ANTXR1: variants seen among roughly 807,000 people sequenced by gnomAD.
ANTXR1 encodes the protein anthrax toxin receptor 1.
ANTXR1 carries 19 observed loss-of-function variants against 78.1 expected under a neutral mutation model. The ratio of observed to expected loss-of-function variants is 0.24; its 90% CI spans 0.17 to 0.36. The LOEUF (loss-of-function observed/expected upper bound fraction) is 0.36. ANTXR1 is among the 10% of genes least tolerant of loss of function. ANTXR1 has a pLI of 1.00. For synonymous variants in ANTXR1, 273 were observed against 260.5 expected (o/e 1.05, Z -0.46); for missense variants, 518 against 718.6 (o/e 0.72, Z 3.19).
chr2:69,102,892 G>A lies in ANTXR1; in HGVS notation c.754G>A (p.Val252Met), dbSNP rs1293141151. ...AAACGGCTTCCGACATGCCCGCAAC[G>A]TGGACAGGGTCCTCTGCAGCTTCAA... ...RGNGFRHARNVDRVLCSFKIN... is the reference protein window; with the variant it reads ...RGNGFRHARNMDRVLCSFKIN... The change falls in exon 10 of 18, where the codon GTG becomes ATG. Residue 252 changes from valine (V) to methionine (M), a missense_variant. Around this residue, in one of 5 missense-constraint regions of ANTXR1, gnomAD observed 264 missense variants for 391.8 expected, o/e 0.67. Transcript: ENST00000303714. 18 of 1,614,016 alleles carry A rather than the reference G, an allele frequency of 1.1e-5. No homozygotes were observed. Among genetic ancestry groups the A allele is most frequent in the East Asian group, 8.9e-5 (4 of 44,888 alleles).
intron 10 of ANTXR1, among the ~76,000 whole-genome samples, chr2:69,115,779 G>A (rs936598367): frequency 6.6e-6 from 1 of 152,230 alleles, no homozygotes; most frequent in South Asian, 2.1e-4. Flanking sequence ...ACTAGCCAGG[G>A]AGGGCTTCCA....
chr2:69,067,833 G>T (rs1670446548), intron 3 of ANTXR1, among the ~76,000 whole-genome samples: 1 of 152,234 alleles, frequency 6.6e-6, no homozygotes, highest in African/African-American at 2.4e-5. Context: ...CATGGCCTTG[G>T]TGGGGGACAC....
At chr2:69,045,125 G>T (rs1005300902) in intron 3 of ANTXR1, among the ~76,000 whole-genome samples, 8 of 152,062 alleles carry the variant, frequency 5.3e-5, no homozygotes, top group African/African-American at 1.9e-4. Flanking sequence ...CATATTATTG[G>T]GGGACTATAT....
At chr2:69,093,419 T>C in intron 9 of ANTXR1, among the ~76,000 whole-genome samples, 1 of 152,216 alleles carries the variant, frequency 6.6e-6, no homozygotes, top group Admixed American at 6.5e-5. Flanking sequence ...TAAGTAATTT[T>C]AACCTCAAAA....
intron 17 of ANTXR1, among the ~76,000 whole-genome samples, chr2:69,241,452 G>A (rs981255620): frequency 3.3e-5 from 5 of 152,034 alleles, no homozygotes; most frequent in African/African-American, 1.2e-4. Context: ...ATTACCCCAG[G>A]GATTTATTGA....
chr2:69,075,041 C>T (rs1329079581), intron 6 of ANTXR1, among the ~76,000 whole-genome samples: 1 of 121,482 alleles, frequency 8.2e-6, no homozygotes, highest in East Asian at 2.4e-4. Flanking sequence ...CATTAAACCA[C>T]TTTATTCTGT....
At chr2:69,176,555 G>C (rs1674123220) in intron 14 of ANTXR1, among the ~76,000 whole-genome samples, 1 of 152,076 alleles carries the variant, frequency 6.6e-6, no homozygotes, top group Admixed American at 6.5e-5. Context: ...AATTCATGTC[G>C]TCATTCTCAC....
chr2:69,073,004 C>G lies in ANTXR1; in HGVS notation c.413-18C>G, dbSNP rs1670616194. 6.2e-7 allele frequency: 1 copy of G among 1,613,062 alleles called. No individual in the cohort carries two copies. The highest frequency in any genetic ancestry group is 8.5e-7 in the Non-Finnish European group (1 of 1,179,144). On this transcript the variant is annotated intron_variant, in intron 5 of 17. Transcript: ENST00000303714. ...GTGGAGCAGGGTGGACTGAGCCAGT[C>G]TGTATTGTGTTAAACAGGGTACAGG... is the stretch of plus-strand genomic sequence containing the variant.
At chr2:69,226,158 C>T (rs1347443471) in intron 17 of ANTXR1, among the ~76,000 whole-genome samples, 3 of 152,186 alleles carry the variant, frequency 2.0e-5, no homozygotes, top group Non-Finnish European at 4.4e-5. Context: ...GGCCAAACCA[C>T]GAGCACCCCC....
At position 69,203,921 on chromosome 2, in the gene ANTXR1, G is replaced by C. The variant is rs567701646; in HGVS notation, c.1434+10506G>C. Among the ~76,000 whole-genome samples the C allele has an allele frequency of 1.4e-4, 22 of 152,320 alleles. No homozygotes were observed. The East Asian group carries it at 3.1e-3, about 21-fold the overall frequency. On this transcript the variant is annotated intron_variant, in intron 17 of 17. Coordinates refer to ENST00000303714, the MANE Select transcript of ANTXR1 (RefSeq NM_032208.3). The stretch of plus-strand genomic sequence containing the variant: ...AGAAGTAAATGCTAAGGCTGAACCA[G>C]ACAGGGATGGGAATAAAGCAACCCT...
intron 10 of ANTXR1, among the ~76,000 whole-genome samples, chr2:69,112,824 CAG>C (rs1406415694): frequency 2.0e-5 from 3 of 152,198 alleles, no homozygotes; most frequent in African/African-American, 7.2e-5. Flanking sequence ...GTGGCTCCTG[CAG>C]AGACTGTGTT....
intron 17 of ANTXR1, among the ~76,000 whole-genome samples, chr2:69,237,106 TA>T (rs1223004515): frequency 6.6e-6 from 1 of 152,204 alleles, no homozygotes; most frequent in East Asian, 1.9e-4. Flanking sequence ...CATGTCCCAC[TA>T]AAGAGATGCC....
At chr2:69,066,759 G>A (rs1335463411) in intron 3 of ANTXR1, among the ~76,000 whole-genome samples, 1 of 152,176 alleles carries the variant, frequency 6.6e-6, no homozygotes, top group Non-Finnish European at 1.5e-5. Context: ...CCTGCTTGAG[G>A]TCAATCATTA....
Position 69,040,379 on chromosome 2 carries a change from C to G in ANTXR1, c.224+264C>G, listed in dbSNP as rs1669578055. 2.6e-5 allele frequency among the ~76,000 whole-genome samples: 4 copies of G among 152,172 alleles called. No homozygotes were observed. In the South Asian group the frequency reaches 8.3e-4, roughly 32 times the overall value. ...CATTCTCCCTTCTCTGTTGAATAGC[C>G]TATTCTTATTACCTTTAACATTTTT... On this transcript the variant is annotated intron_variant, in intron 2 of 17. Transcript: ENST00000303714.
At position 69,071,642 on chromosome 2, in the gene ANTXR1, G is replaced by GA. The variant is rs1670569079; in HGVS notation, c.379-110dup. 55 of 1,034,268 alleles carry GA rather than the reference G, an allele frequency of 5.3e-5. No individual in the cohort carries two copies. The South Asian group carries it at 7.1e-4, about 13-fold the overall frequency. 64.1% of individuals were successfully genotyped at this position (1,034,268 alleles called of 1,614,324 possible). A position where few individuals can be genotyped will look rare whatever the true frequency, so the allele number is the denominator to read the frequency against. On this transcript the variant is annotated intron_variant, in intron 4 of 17. Transcript: ENST00000303714. ...GCAAAGCCTGGGTGAATTACATAAGGAATCAAGACTGAATTGGCTGCATAT... is the reference window on the plus strand; with the variant it reads ...GCAAAGCCTGGGTGAATTACATAAGGAAATCAAGACTGAATTGGCTGCATAT...
At chr2:69,209,179 G>A (rs552651263) in intron 17 of ANTXR1, among the ~76,000 whole-genome samples, 1 of 152,266 alleles carries the variant, frequency 6.6e-6, no homozygotes, top group Admixed American at 6.5e-5. Context: ...TACATTTATT[G>A]GATTATCTGA....
rs1676001726 is a variant in ANTXR1 at position 69,245,492 on chromosome 2, A to C, written c.*7A>C. 2 of 1,612,394 alleles carry C rather than the reference A, an allele frequency of 1.2e-6. No individual in the cohort carries two copies. The highest frequency in any genetic ancestry group is 2.2e-5 in the South Asian group (2 of 90,972). The stretch of plus-strand genomic sequence containing the variant: ...TCCAAGGCCTTCTGTCTAGAGCCCA[A>C]AGTTCCTGCTCTGGGCTCTCTCAGA... On this transcript the variant is annotated 3_prime_UTR_variant, in exon 18 of 18. Transcript: ENST00000303714.
rs1671966865 is a variant in ANTXR1, at chr2:69,111,153, T to C, written c.802+8213T>C. Among the ~76,000 whole-genome samples, 4 of 152,352 alleles carry C rather than the reference T, an allele frequency of 2.6e-5. No homozygotes were observed. The South Asian group carries it at 8.3e-4, about 32-fold the overall frequency. Reference sequence around the variant, plus strand: ...CTAGAATACATCTTAAGTTTAACATTTGGTTAGTTCCTCAGTCACCAGGCT... The same window carrying C: ...CTAGAATACATCTTAAGTTTAACATCTGGTTAGTTCCTCAGTCACCAGGCT... On this transcript the variant is annotated intron_variant, in intron 10 of 17. Coordinates refer to ENST00000303714, the MANE Select transcript of ANTXR1 (RefSeq NM_032208.3).
rs752465848 is a variant in ANTXR1, at chr2:69,022,945, A to G, written c.152+9294A>G. On this transcript the variant is annotated intron_variant, in intron 1 of 17. Coordinates refer to ENST00000303714, the MANE Select transcript of ANTXR1 (RefSeq NM_032208.3). ...TTGCCAGGTCCTGCTGTGTGTACAT[A>G]TACATTTAAGCCATGTTGTTTACTA... Among the ~76,000 whole-genome samples the G allele has an allele frequency of 6.4e-4, 97 of 152,180 alleles. 2 individuals carry two copies. The highest frequency in any genetic ancestry group is 2.2e-4 in the Non-Finnish European group (15 of 68,030).
Sources: gnomAD v4.1 joint callset for allele counts (sites outside exome capture counted in the v4.1 genomes callset) on GRCh38, gnomAD v4.1.1 for gene constraint, gnomAD v4.1.1 regional missense constraint, MANE v1.5 for transcripts, NCBI Gene and HGNC (gene_info 2026-07-23, HGNC 2026-07-21) for gene names.